TMEM168: variants seen among roughly 807,000 people sequenced by gnomAD.
TMEM168 encodes the protein transmembrane protein 168.
A neutral mutation model predicts 53.2 loss-of-function variants in TMEM168; 40 were observed. The observed-to-expected ratio is 0.75, with a 90% CI of 0.58 to 0.98. The LOEUF is 0.98. Ranked by LOEUF, TMEM168 falls within the 50% of genes least tolerant of loss-of-function variation. The pLI is 0.00. For synonymous variants in TMEM168, 282 were observed against 293.0 expected (o/e 0.96, Z 0.38); for missense variants, 771 against 828.8 (o/e 0.93, Z 0.86).
rs201450776 is a variant in TMEM168, at chr7:112,784,841, G to A, written c.-16C>T. The stretch of plus-strand genomic sequence containing the variant: ...ATTTACACATGTAACCAGCAATGTG[G>A]GCTTTTCCCTCACGTTACAAAAATT... On this transcript the variant is annotated 5_prime_UTR_variant, in exon 2 of 5. Transcript: ENST00000312814. The A allele has an allele frequency of 2.4e-5, 36 of 1,529,060 alleles. No individual in the cohort carries two copies. The highest frequency in any genetic ancestry group is 3.1e-5 in the Non-Finnish European group (35 of 1,145,672). The allele number at this position is 1,529,060 out of a possible 1,614,324, so 94.7% of individuals were successfully genotyped here.
chr7:112,764,501 TTTG>T lies in TMEM168; in HGVS notation c.*2693_*2695del, dbSNP rs1792725870. Reference sequence around the variant, plus strand: ...TTCTACACCCTTATTATTTTTTTTGTTTGTTTCTTTTTTTTTTTGAGATGGAGT... The same window carrying T: ...TTCTACACCCTTATTATTTTTTTTGTTTTCTTTTTTTTTTTGAGATGGAGT... On this transcript the variant is annotated 3_prime_UTR_variant, in exon 5 of 5. Coordinates refer to ENST00000312814, the MANE Select transcript of TMEM168 (RefSeq NM_022484.6). 1 of 150,958 alleles carries T rather than the reference TTTG, an allele frequency of 6.6e-6. No individual in the cohort carries two copies. Among genetic ancestry groups the T allele is most frequent in the African/African-American group, 2.4e-5 (1 of 40,842 alleles). 9.4% of individuals were successfully genotyped at this position (150,958 alleles called of 1,614,324 possible).
chr7:112,768,858 G>C (rs1792857310), intron 4 of TMEM168, among the ~76,000 whole-genome samples: 1 of 152,040 alleles, frequency 6.6e-6, no homozygotes, highest in Non-Finnish European at 1.5e-5. Context: ...ATGAACTATG[G>C]CCTAAAACCT....
rs190108838 is a variant in TMEM168, at chr7:112,789,918, C to A, written c.-129+242G>T. ...AGGAGCTTGGCTGTTCTCCACCATC[C>A]TCTGCCTCGGAGAACGCGACCACAA... On this transcript the variant is annotated intron_variant, in intron 1 of 4. Coordinates refer to ENST00000312814, the MANE Select transcript of TMEM168 (RefSeq NM_022484.6). 1.0e-3 allele frequency among the ~76,000 whole-genome samples: 154 copies of A among 152,356 alleles called. 1 individual carries two copies. Among genetic ancestry groups the A allele is most frequent in the Non-Finnish European group, 1.9e-3 (126 of 68,032 alleles).
rs773187331 is a variant in TMEM168, at chr7:112,783,895, T to C, written c.931A>G (p.Ile311Val). Reference protein sequence around the residue: ...FGIFWMICHIIFLLTLWGFHT... With the variant: ...FGIFWMICHIVFLLTLWGFHT... ...AATCCCCAAAGAGTTAAAAGAAAAA[T>C]AATATGACAAATCATCCAGAAAATT... is the stretch of plus-strand genomic sequence containing the variant. The change falls in exon 2 of 5, where the codon ATT (isoleucine) becomes GTT (valine). Residue 311 changes from isoleucine (I) to valine (V), a missense_variant. Ile to Val is a conservative substitution (Grantham distance 29). Transcript: ENST00000312814. 6.3e-7 allele frequency: 1 copy of C among 1,597,164 alleles called. No individual in the cohort carries two copies. Among genetic ancestry groups the C allele is most frequent in the South Asian group, 1.2e-5 (1 of 86,434 alleles).
chr7:112,780,167 G>A (rs184864881), intron 2 of TMEM168, among the ~76,000 whole-genome samples: 1 of 152,282 alleles, frequency 6.6e-6, no homozygotes, highest in Non-Finnish European at 1.5e-5. Context: ...TTCAATCCCA[G>A]CTCAGCCACT....
At chr7:112,783,379 C>A (rs1793281555) in intron 2 of TMEM168, among the ~76,000 whole-genome samples, 1 of 152,142 alleles carries the variant, frequency 6.6e-6, no homozygotes. Context: ...ATTAAAGGAT[C>A]AAAATACAAT....
chr7:112,775,805 C>G (rs1431263305), intron 2 of TMEM168, among the ~76,000 whole-genome samples: 2 of 151,706 alleles, frequency 1.3e-5, no homozygotes, highest in East Asian at 3.8e-4. Flanking sequence ...AATTTAAGAC[C>G]CTAAAGCCAT....
intron 1 of TMEM168, among the ~76,000 whole-genome samples, chr7:112,785,940 GCT>G (rs2116308624): frequency 6.6e-6 from 1 of 152,320 alleles, no homozygotes; most frequent in East Asian, 1.9e-4. Context: ...AGGCACGGTG[GCT>G]CTCTCCTGCA....
At chr7:112,775,597 C>T (rs567651588) in intron 2 of TMEM168, among the ~76,000 whole-genome samples, 4 of 139,184 alleles carry the variant, frequency 2.9e-5, no homozygotes, top group Admixed American at 7.2e-5. Flanking sequence ...CCTATCCAGA[C>T]GAGAAAAAAA....
rs191977486 is a variant in TMEM168 at position 112,786,462 on chromosome 7, T to C, written c.-128-1509A>G. Among the ~76,000 whole-genome samples the C allele has an allele frequency of 1.5e-3, 234 of 152,274 alleles. 1 individual carries two copies. The highest frequency in any genetic ancestry group is 5.3e-3 in the African/African-American group (221 of 41,554). Reference sequence around the variant, plus strand: ...AAGTCTATTTAAGTATTCCAACTGATTTTCCTTAATTACATCTTTATTCAC... The same window carrying C: ...AAGTCTATTTAAGTATTCCAACTGACTTTCCTTAATTACATCTTTATTCAC... On this transcript the variant is annotated intron_variant, in intron 1 of 4. Transcript: ENST00000312814.
intron 2 of TMEM168, among the ~76,000 whole-genome samples, chr7:112,775,522 T>C (rs914714252): frequency 1.1e-4 from 16 of 152,002 alleles, no homozygotes; most frequent in African/African-American, 3.9e-4. Flanking sequence ...ATTTATCTCT[T>C]AGTTTTTTGG....
chr7:112,784,356 A>G lies in TMEM168; in HGVS notation c.470T>C (p.Val157Ala), dbSNP rs1388960468. 2 of 1,614,088 alleles carry G rather than the reference A, an allele frequency of 1.2e-6. No homozygotes were observed. Among genetic ancestry groups the G allele is most frequent in the African/African-American group, 1.3e-5 (1 of 74,944 alleles). ...VRHRPTLLTT[V>A]EFLELVGFAI... Reference sequence around the variant, plus strand: ...AAATCCAACAAGCTCCAGAAATTCAACTGTGGTTAGTAAAGTGGGCCGATG... The same window carrying G: ...AAATCCAACAAGCTCCAGAAATTCAGCTGTGGTTAGTAAAGTGGGCCGATG... Residue 157 changes from valine to alanine, a missense_variant, in exon 2 of 5, where the codon GTT (valine) becomes GCT (alanine). Val to Ala is a moderately conservative substitution (Grantham distance 64). Transcript: ENST00000312814.
At position 112,784,126 on chromosome 7, in the gene TMEM168, T is replaced by C. The variant is rs1793307229; in HGVS notation, c.700A>G (p.Ile234Val). 6 of 1,613,968 alleles carry C rather than the reference T, an allele frequency of 3.7e-6. No homozygotes were observed. The highest frequency in any genetic ancestry group is 4.2e-6 in the Non-Finnish European group (5 of 1,179,994). The change falls in exon 2 of 5, where the codon ATA (isoleucine) becomes GTA (valine). Residue 234 changes from isoleucine (I) to valine (V), a missense_variant. Physicochemically the swap from Ile to Val is conservative, Grantham distance 29. Coordinates refer to ENST00000312814, the MANE Select transcript of TMEM168 (RefSeq NM_022484.6). ...IAFACFFICL[I>V]TDPFLDIYFS... ...TAAATGTCAAGGAAAGGATCAGTTA[T>C]CAGGCAAATAAAAAAACACGCAAAA... is the stretch of plus-strand genomic sequence containing the variant.
At position 112,764,159 on chromosome 7, in the gene TMEM168, T is replaced by TA. The variant is rs982311440; in HGVS notation, c.*3037dup. 4.6e-5 allele frequency: 7 copies of TA among 151,584 alleles called. No individual in the cohort carries two copies. The East Asian group carries it at 1.2e-3, about 25-fold the overall frequency. 9.4% of individuals were successfully genotyped at this position (151,584 alleles called of 1,614,324 possible). A position where few individuals can be genotyped will look rare whatever the true frequency, so the allele number is the denominator to read the frequency against. On this transcript the variant is annotated 3_prime_UTR_variant, in exon 5 of 5. Transcript: ENST00000312814. Reference sequence around the variant, plus strand: ...AAAATTAAAATAAATAAATAATGGTTAAAAAAAGAAAATAAATTCATACTG... The same window carrying TA: ...AAAATTAAAATAAATAAATAATGGTTAAAAAAAAGAAAATAAATTCATACTG...
intron 2 of TMEM168, among the ~76,000 whole-genome samples, chr7:112,778,910 A>G (rs774333248): frequency 1.4e-4 from 21 of 152,168 alleles, no homozygotes; most frequent in Non-Finnish European, 2.6e-4. Flanking sequence ...ATGCTGATTG[A>G]CAGGGTCTCA....
At chr7:112,769,906 A>G (rs998686837) in intron 4 of TMEM168, among the ~76,000 whole-genome samples, 1 of 152,184 alleles carries the variant, frequency 6.6e-6, no homozygotes, top group African/African-American at 2.4e-5. Flanking sequence ...ACTGTGAGTG[A>G]AGGTATGGGA....
intron 1 of TMEM168, among the ~76,000 whole-genome samples, chr7:112,785,332 G>A (rs1355582894): frequency 6.6e-6 from 1 of 152,224 alleles, no homozygotes. Flanking sequence ...TTCTTAAAGT[G>A]AATGAAGGAC....
chr7:112,775,098 G>A, intron 3 of TMEM168, 78 bp downstream of exon 3: 1 of 1,207,640 alleles, frequency 8.3e-7, no homozygotes, highest in Non-Finnish European at 1.1e-6. Flanking sequence ...TTGAAAAGGA[G>A]CTATATTTTA....
chr7:112,779,490 T>C (rs1300594529), intron 2 of TMEM168, among the ~76,000 whole-genome samples: 1 of 152,188 alleles, frequency 6.6e-6, no homozygotes, highest in Admixed American at 6.5e-5. Flanking sequence ...ATTTGTGACT[T>C]TGGAGTACTC....
Sources: gnomAD v4.1 joint callset for allele counts (sites outside exome capture counted in the v4.1 genomes callset) on GRCh38, gnomAD v4.1.1 for gene constraint, MANE v1.5 for transcripts, NCBI Gene and HGNC (gene_info 2026-07-23, HGNC 2026-07-21) for gene names.